Variants in GCNT2 observed in about 807,000 individuals in gnomAD.
GCNT2 encodes N-acetyllactosaminide beta-1,6-N-acetylglucosaminyl-transferase.
In GCNT2, 34 loss-of-function variants were observed where a neutral mutation model predicts 34.2. The ratio of observed to expected loss-of-function variants is 1.00; its 90% CI spans 0.76 to 1.32. The LOEUF is 1.32. GCNT2 is among the 40% of genes most tolerant of loss of function. The pLI, the probability that GCNT2 is intolerant of heterozygous loss-of-function variation, is 0.00. For synonymous variants in GCNT2, 212 were observed against 188.0 expected, an observed-to-expected ratio of 1.13 and a Z score of -1.04; for missense variants, 584 against 489.4, an observed-to-expected ratio of 1.19 and a Z score of -1.82.
chr6:10,567,639 T>C (rs1245997877), intron 3 of GCNT2, among the ~76,000 whole-genome samples: 1 of 152,200 alleles, frequency 6.6e-6, no homozygotes, highest in Admixed American at 6.5e-5. Flanking sequence ...ATTGAACAGC[T>C]AATAATTGCC....
intron 1 of GCNT2, among the ~76,000 whole-genome samples, chr6:10,524,086 G>C (rs1054060774): frequency 4.0e-5 from 6 of 151,714 alleles, no homozygotes; most frequent in Admixed American, 6.6e-5. Context: ...TACAGCCTGC[G>C]AGATCCATGC....
chr6:10,573,138 A>C, intron 3 of GCNT2: 1 of 959,526 alleles, frequency 1.0e-6, no homozygotes, highest in Non-Finnish European at 1.2e-6. Context: ...AGTGTTCGGA[A>C]GATATAAAGG....
chr6:10,557,251 G>T (rs771686905), intron 3 of GCNT2: 1 of 1,605,844 alleles, frequency 6.2e-7, no homozygotes, highest in Admixed American at 1.7e-5. Context: ...ACTTTGTTCT[G>T]CATGACCCAC....
chr6:10,598,055 C>T (rs1463857494), intron 3 of GCNT2, among the ~76,000 whole-genome samples: 1 of 152,148 alleles, frequency 6.6e-6, no homozygotes, highest in Non-Finnish European at 1.5e-5. Context: ...CACTTAACCT[C>T]TCTGGGCCTC....
chr6:10,536,927 G>A (rs1278130704), intron 3 of GCNT2, among the ~76,000 whole-genome samples: 1 of 151,758 alleles, frequency 6.6e-6, no homozygotes, highest in Non-Finnish European at 1.5e-5. Flanking sequence ...CACCACGCCT[G>A]GCTAATTTTT....
chr6:10,585,032 A>AGTGTGTGTGTGTGTGTGTGT (rs57538079), intron 3 of GCNT2, among the ~76,000 whole-genome samples: 1 of 127,482 alleles, frequency 7.8e-6, no homozygotes, highest in Non-Finnish European at 1.6e-5. Flanking sequence ...TCCCATAGTC[A>AGTGTGTGTGTGTGTGTGTGT]GTGTGTGTGT....
chr6:10,589,502 T>C (rs892774975), intron 3 of GCNT2, among the ~76,000 whole-genome samples: 2 of 152,020 alleles, frequency 1.3e-5, no homozygotes. Context: ...CCAGGTGTCC[T>C]TTCTGGAAAG....
chr6:10,600,692 T>G (rs970767289), intron 3 of GCNT2, among the ~76,000 whole-genome samples: 1 of 152,206 alleles, frequency 6.6e-6, no homozygotes, highest in Non-Finnish European at 1.5e-5. Context: ...TCTTTTCTAT[T>G]AATGAATGCC....
Position 10,529,293 on chromosome 6 carries a change from C to T in GCNT2, c.382C>T (p.Leu128=), listed in dbSNP as rs151060330. The T allele has an allele frequency of 1.2e-6, 2 of 1,614,154 alleles. No individual in the cohort carries two copies. Among genetic ancestry groups the T allele is most frequent in the Non-Finnish European group, 1.7e-6 (2 of 1,180,028 alleles). The change falls in exon 3 of 5, where the codon CTG becomes TTG. Residue 128 remains leucine, a synonymous_variant. Coordinates refer to ENST00000495262, the MANE Select transcript of GCNT2 (RefSeq NM_145649.5). ...YMPQNVYCVH[L]DQKATDAFKG... is the part of the protein sequence containing the mutation. ...GCCCCAAAATGTCTACTGTGTGCAC[C>T]TGGATCAGAAGGCGACGGATGCCTT...
At chr6:10,562,779 A>G (rs985170088) in intron 3 of GCNT2, among the ~76,000 whole-genome samples, 1 of 152,006 alleles carries the variant, frequency 6.6e-6, no homozygotes, top group African/African-American at 2.4e-5. Context: ...CCTGAAGCCA[A>G]GGGCTGGGGA....
At chr6:10,534,225 T>A (rs894208923) in intron 3 of GCNT2, among the ~76,000 whole-genome samples, 8 of 148,142 alleles carry the variant, frequency 5.4e-5, no homozygotes, top group African/African-American at 1.8e-4. Flanking sequence ...CACTGCAACC[T>A]CCTCCTCCTG....
At chr6:10,556,954 C>T (rs1317881711) in intron 3 of GCNT2, 2 of 1,613,900 alleles carry the variant, frequency 1.2e-6, no homozygotes, top group Admixed American at 1.7e-5. Flanking sequence ...ATCTTTCTGC[C>T]TTCGAGGTCT....
chr6:10,529,463 G>A lies in GCNT2; in HGVS notation c.552G>A (p.Trp184Ter). 6.2e-7 allele frequency: 1 copy of A among 1,614,082 alleles called. No individual in the cohort carries two copies. Among genetic ancestry groups the A allele is most frequent in the East Asian group, 2.2e-5 (1 of 44,884 alleles). Reference sequence around the variant, plus strand: ...ACCTTGTGGCCTCTGAAGTTCCCTGGAAGTATGTCATCAACACCTGCGGGC... The same window carrying A: ...ACCTTGTGGCCTCTGAAGTTCCCTGAAAGTATGTCATCAACACCTGCGGGC... ...LEDLVASEVP[W>*]KYVINTCGQD... Residue 184 changes from tryptophan to a stop codon, truncating the protein, a stop_gained, in exon 3 of 5, where the codon TGG becomes TGA. Transcript: ENST00000495262. LOFTEE classifies it high-confidence loss of function.
intron 3 of GCNT2, among the ~76,000 whole-genome samples, chr6:10,541,340 A>G (rs904997317): frequency 3.3e-5 from 5 of 152,156 alleles, no homozygotes; most frequent in African/African-American, 1.2e-4. Flanking sequence ...AAAGGACATG[A>G]TCTCGTTCCT....
At chr6:10,534,112 C>G (rs971344517) in intron 3 of GCNT2, among the ~76,000 whole-genome samples, 6 of 147,928 alleles carry the variant, frequency 4.1e-5, no homozygotes, top group African/African-American at 1.2e-4. Context: ...CTATGTCTTC[C>G]CCTGGTATCT....
At chr6:10,544,751 C>T (rs1052002911) in intron 3 of GCNT2, among the ~76,000 whole-genome samples, 7 of 151,512 alleles carry the variant, frequency 4.6e-5, no homozygotes, top group Non-Finnish European at 8.8e-5. Context: ...CGAGACCAGC[C>T]TGGCCAACGT....
chr6:10,558,336 C>T (rs1762816669), intron 3 of GCNT2, among the ~76,000 whole-genome samples: 1 of 152,162 alleles, frequency 6.6e-6, no homozygotes, highest in Admixed American at 6.5e-5. Flanking sequence ...TTTACTATGG[C>T]ACCAGAGCTG....
intron 3 of GCNT2, among the ~76,000 whole-genome samples, chr6:10,544,332 C>T (rs1037750496): frequency 2.1e-5 from 3 of 141,382 alleles, no homozygotes; most frequent in African/African-American, 5.3e-5. Context: ...ATAGGCAACA[C>T]GGTGGCTCAC....
intron 3 of GCNT2, chr6:10,556,645 A>G: frequency 6.2e-7 from 1 of 1,614,154 alleles, no homozygotes; most frequent in East Asian, 2.2e-5. Context: ...CTTGCAAGGA[A>G]TACTTGACCC....
Sources: gnomAD v4.1 joint callset for allele counts (sites outside exome capture counted in the v4.1 genomes callset) on GRCh38, gnomAD v4.1.1 for gene constraint, MANE v1.5 for transcripts, NCBI Gene and HGNC (gene_info 2026-07-23, HGNC 2026-07-21) for gene names.